DPP6: variants seen among roughly 807,000 people sequenced by gnomAD.
The protein encoded by DPP6 is A-type potassium channel modulatory protein DPP6.
DPP6 carries 69 observed loss-of-function variants against 122.6 expected under a neutral mutation model. That is an observed-to-expected ratio of 0.56 (90% CI 0.46 to 0.69). The LOEUF is 0.69. DPP6 is among the 30% of genes least tolerant of loss of function. DPP6 has a pLI of 0.00. For synonymous variants in DPP6, 418 were observed against 433.1 expected, an observed-to-expected ratio of 0.97 and a Z score of 0.43; for missense variants, 928 against 1,116.9, an observed-to-expected ratio of 0.83 and a Z score of 2.41.
intron 8 of DPP6, among the ~76,000 whole-genome samples, chr7:154,737,132 G>A (rs1563155081): frequency 6.6e-6 from 1 of 152,208 alleles, no homozygotes; most frequent in Non-Finnish European, 1.5e-5. Context: ...CATACTGAAT[G>A]AATAGAGTAG....
chr7:154,516,047 T>A (rs1263331068), intron 3 of DPP6, among the ~76,000 whole-genome samples: 2 of 152,218 alleles, frequency 1.3e-5, no homozygotes, highest in African/African-American at 4.8e-5. Context: ...TTCTTTTCTC[T>A]CTTTTTCCTA....
At chr7:154,336,136 C>A (rs188757889) in intron 1 of DPP6, among the ~76,000 whole-genome samples, 4 of 152,228 alleles carry the variant, frequency 2.6e-5, no homozygotes, top group Admixed American at 2.6e-4. Context: ...TCCAGGACAT[C>A]TTGCAGCCTC....
intron 1 of DPP6, among the ~76,000 whole-genome samples, chr7:153,922,749 A>G (rs73494355): frequency 5.5e-4 from 84 of 152,334 alleles, no homozygotes; most frequent in African/African-American, 2.0e-3. Context: ...AACATTTACC[A>G]TGGCAAAAAT....
chr7:154,322,467 A>C (rs189417796), intron 1 of DPP6, among the ~76,000 whole-genome samples: 109 of 152,280 alleles, frequency 7.2e-4, no homozygotes, highest in Admixed American at 5.8e-3. Context: ...TTGGTCTAAA[A>C]CTTTATACCT....
At chr7:154,688,165 A>G (rs528784547) in intron 7 of DPP6, among the ~76,000 whole-genome samples, 2 of 152,292 alleles carry the variant, frequency 1.3e-5, no homozygotes, top group East Asian at 1.9e-4. Flanking sequence ...ATGTGTATAT[A>G]TGTGTCACTC....
Position 154,868,071 on chromosome 7 carries a change from G to T in DPP6, c.1791G>T (p.Arg597Ser). The change falls in exon 18 of 26, where the codon AGG (arginine) becomes AGT (serine). Residue 597 changes from arginine (R) to serine (S), a missense_variant. By Grantham distance (110) the Arg-to-Ser change is moderately radical. Transcript: ENST00000377770. The part of the protein sequence containing the change: ...NDRQMPKVEY[R>S]DIEIDDYNLP... ...GACAGATGCCTAAAGTGGAATACAG[G>T]GACATTGAGATTGATGATTACAGTA... 1 of 1,607,846 alleles carries T rather than the reference G, an allele frequency of 6.2e-7. No individual in the cohort carries two copies. The highest frequency in any genetic ancestry group is 8.5e-7 in the Non-Finnish European group (1 of 1,177,198).
chr7:154,434,962 A>C (rs908032497), intron 1 of DPP6, among the ~76,000 whole-genome samples: 15 of 151,994 alleles, frequency 9.9e-5, no homozygotes, highest in South Asian at 6.2e-4. Flanking sequence ...TCAGCCTCCC[A>C]AGTAGCTGGG....
chr7:154,692,173 A>C (rs1839968058), intron 7 of DPP6, among the ~76,000 whole-genome samples: 1 of 152,230 alleles, frequency 6.6e-6, no homozygotes, highest in Non-Finnish European at 1.5e-5. Context: ...TATTATCTTG[A>C]ATCTGGGCCA....
the DPP6 span, among the ~76,000 whole-genome samples, chr7:153,838,766 C>A: frequency 6.6e-6 from 1 of 152,184 alleles, no homozygotes; most frequent in Non-Finnish European, 1.5e-5. Context: ...TACTGGAAAT[C>A]ACATTTGGCC....
intron 8 of DPP6, among the ~76,000 whole-genome samples, chr7:154,745,331 C>G (rs1198943071): frequency 6.6e-6 from 1 of 152,186 alleles, no homozygotes; most frequent in Non-Finnish European, 1.5e-5. Flanking sequence ...CTCTGAGCCT[C>G]AAAATTCTCC....
chr7:154,619,268 G>A (rs1834478176), intron 5 of DPP6, among the ~76,000 whole-genome samples: 1 of 152,162 alleles, frequency 6.6e-6, no homozygotes, highest in South Asian at 2.1e-4. Flanking sequence ...ACTCCAAAGG[G>A]TACCATCTAC....
chr7:154,132,155 C>T (rs1795313515), intron 1 of DPP6, among the ~76,000 whole-genome samples: 1 of 152,046 alleles, frequency 6.6e-6, no homozygotes, highest in Admixed American at 6.6e-5. Context: ...AGACAGAAAC[C>T]AGTGAACTCA....
At chr7:154,731,094 C>G (rs1427178793) in intron 8 of DPP6, among the ~76,000 whole-genome samples, 4 of 152,060 alleles carry the variant, frequency 2.6e-5, no homozygotes, top group Non-Finnish European at 5.9e-5. Flanking sequence ...CCTGAGGATT[C>G]TTGCTTCCTT....
chr7:153,965,271 T>C (rs1685799364), intron 1 of DPP6, among the ~76,000 whole-genome samples: 1 of 152,062 alleles, frequency 6.6e-6, no homozygotes, highest in South Asian at 2.1e-4. Flanking sequence ...GTTTGCAGTC[T>C]AGATAATATT....
At chr7:154,448,950 C>G (rs1051173312) in intron 2 of DPP6, among the ~76,000 whole-genome samples, 8 of 152,140 alleles carry the variant, frequency 5.3e-5, no homozygotes, top group Non-Finnish European at 1.0e-4. Flanking sequence ...AATATAAGAG[C>G]TAAAGCTATA....
intron 1 of DPP6, among the ~76,000 whole-genome samples, chr7:153,987,417 G>A (rs1796904941): frequency 6.6e-6 from 1 of 152,170 alleles, no homozygotes. Flanking sequence ...TGTAGTTGTA[G>A]AACGAAACTT....
chr7:154,706,895 GT>G (rs1301295756), intron 7 of DPP6, among the ~76,000 whole-genome samples: 1 of 152,176 alleles, frequency 6.6e-6, no homozygotes, highest in African/African-American at 2.4e-5. Context: ...TGATGGGAAG[GT>G]CTTTAGAGTG....
intron 1 of DPP6, among the ~76,000 whole-genome samples, chr7:153,943,410 G>A (rs118146583): frequency 1.3e-5 from 2 of 152,222 alleles, no homozygotes; most frequent in Non-Finnish European, 2.9e-5. Context: ...TCCTATACCA[G>A]GGCCACTAAA....
chr7:153,993,784 C>G (rs992414187), intron 1 of DPP6, among the ~76,000 whole-genome samples: 64 of 152,232 alleles, frequency 4.2e-4, no homozygotes, highest in Non-Finnish European at 1.5e-4. Flanking sequence ...CTTTGGGGTT[C>G]TAAACCAAGC....
Sources: gnomAD v4.1 joint callset for allele counts (sites outside exome capture counted in the v4.1 genomes callset) on GRCh38, gnomAD v4.1.1 for gene constraint, MANE v1.5 for transcripts, NCBI Gene and HGNC (gene_info 2026-07-23, HGNC 2026-07-21) for gene names.